GNAO1: variants seen among roughly 807,000 people sequenced by gnomAD.
GNAO1 encodes the protein G protein subunit alpha o1.
For missense variants in GNAO1, 166 were observed against 478.7 expected (o/e 0.35, Z 6.10); for synonymous variants, 164 against 180.7 (o/e 0.91, Z 0.74).
chr16:56,230,088 C>T (rs2036574273), intron 2 of GNAO1, among the ~76,000 whole-genome samples: 1 of 151,872 alleles, frequency 6.6e-6, no homozygotes, highest in Non-Finnish European at 1.5e-5. Context: ...AAAAATGATG[C>T]TTTTGATCAT....
At chr16:56,305,274 A>G (rs1323045883) in intron 3 of GNAO1, among the ~76,000 whole-genome samples, 1 of 152,236 alleles carries the variant, frequency 6.6e-6, no homozygotes, top group Non-Finnish European at 1.5e-5. Context: ...CCCTGCCCTC[A>G]CAGAGCTTAC....
At chr16:56,288,265 G>A (rs181187279) in intron 3 of GNAO1, among the ~76,000 whole-genome samples, 2 of 152,344 alleles carry the variant, frequency 1.3e-5, no homozygotes, top group Admixed American at 1.3e-4. Flanking sequence ...CTCAGCTGGC[G>A]AGCAGGTGGA....
At chr16:56,268,013 C>T (rs1203429231) in intron 2 of GNAO1, among the ~76,000 whole-genome samples, 4 of 152,058 alleles carry the variant, frequency 2.6e-5, no homozygotes, top group Non-Finnish European at 5.9e-5. Context: ...TCACCCATCA[C>T]CTCCCCTCTC....
intron 2 of GNAO1, among the ~76,000 whole-genome samples, chr16:56,261,220 GC>G (rs1567459184): frequency 6.6e-6 from 1 of 152,192 alleles, no homozygotes; most frequent in African/African-American, 2.4e-5. Flanking sequence ...TCCCTGAGGA[GC>G]CCCCATTTGG....
At chr16:56,211,678 C>G (rs536304034) in intron 2 of GNAO1, among the ~76,000 whole-genome samples, 2 of 152,162 alleles carry the variant, frequency 1.3e-5, no homozygotes, top group African/African-American at 2.4e-5. Context: ...GTTTCAGTCG[C>G]GACTTGAAAA....
intron 3 of GNAO1, among the ~76,000 whole-genome samples, chr16:56,327,619 C>G (rs2037648651): frequency 6.6e-6 from 1 of 152,182 alleles, no homozygotes; most frequent in African/African-American, 2.4e-5. Context: ...CACCACACTC[C>G]TGGTTGTGAT....
intron 2 of GNAO1, chr16:56,270,923 G>GCTGCTGCAATGTGAGATGCCA (rs2037010443): frequency 1.3e-5 from 2 of 152,192 alleles, no homozygotes; most frequent in African/African-American, 4.8e-5. Context: ...CCCACCTGGG[G>GCTGCTGCAATGTGAGATGCCA]CTGCTGCAAT....
At chr16:56,349,539 G>T (rs1207297316) in intron 6 of GNAO1, among the ~76,000 whole-genome samples, 2 of 152,238 alleles carry the variant, frequency 1.3e-5, no homozygotes, top group Non-Finnish European at 1.5e-5. Context: ...AGCGAGACCT[G>T]CTCCTCCCCG....
chr16:56,335,855 T>C (rs2037735428), intron 5 of GNAO1, among the ~76,000 whole-genome samples: 1 of 152,144 alleles, frequency 6.6e-6, no homozygotes. Context: ...GGAGGTGGGA[T>C]CCAGGGGAGG....
At chr16:56,314,533 T>A (rs1248794073) in intron 3 of GNAO1, among the ~76,000 whole-genome samples, 1 of 152,244 alleles carries the variant, frequency 6.6e-6, no homozygotes. Flanking sequence ...TGGAGTTTTT[T>A]ATAAGTCGTA....
intron 6 of GNAO1, chr16:56,344,341 A>C (rs2037841273): frequency 6.6e-6 from 7 of 1,065,208 alleles, no homozygotes; most frequent in Non-Finnish European, 8.0e-6. Context: ...ATGGCCCTGC[A>C]GCAGGGTGCT....
intron 3 of GNAO1, among the ~76,000 whole-genome samples, chr16:56,278,812 G>T (rs2037088217): frequency 6.6e-6 from 1 of 152,158 alleles, no homozygotes; most frequent in African/African-American, 2.4e-5. Context: ...CCTGAGGGAG[G>T]AATGAGCCTG....
intron 3 of GNAO1, among the ~76,000 whole-genome samples, chr16:56,279,168 C>T (rs1257649246): frequency 3.3e-5 from 5 of 152,128 alleles, no homozygotes; most frequent in African/African-American, 4.8e-5. Context: ...CACAGAAAAG[C>T]GCCTAAGAGC....
intron 6 of GNAO1, among the ~76,000 whole-genome samples, chr16:56,350,658 G>A (rs1017392400): frequency 2.6e-5 from 4 of 152,114 alleles, no homozygotes; most frequent in Non-Finnish European, 5.9e-5. Flanking sequence ...AGGAGGTGTG[G>A]CCAGTCCCCC....
chr16:56,302,383 A>G (rs1294972959), intron 3 of GNAO1: 1 of 152,156 alleles, frequency 6.6e-6, no homozygotes, highest in Admixed American at 6.6e-5. Context: ...CAGTTTCCCA[A>G]CTTGTATGAT....
intron 4 of GNAO1, among the ~76,000 whole-genome samples, chr16:56,333,432 A>G (rs2037709980): frequency 6.6e-6 from 1 of 152,034 alleles, no homozygotes; most frequent in Admixed American, 6.5e-5. Flanking sequence ...GGATGGTCTC[A>G]AAATCCTGAC....
intron 3 of GNAO1, among the ~76,000 whole-genome samples, chr16:56,318,625 A>G (rs759954772): frequency 3.9e-5 from 6 of 152,180 alleles, no homozygotes; most frequent in Non-Finnish European, 7.4e-5. Context: ...CTCACACTTC[A>G]CTTGGCCTAA....
intron 2 of GNAO1, among the ~76,000 whole-genome samples, chr16:56,205,810 G>T (rs895846702): frequency 6.6e-6 from 1 of 152,154 alleles, no homozygotes; most frequent in Non-Finnish European, 1.5e-5. Context: ...ATAATTGAAG[G>T]CAAAGGTCAT....
chr16:56,223,498 C>T lies in GNAO1; in HGVS notation c.161+30882C>T, dbSNP rs543062017. On this transcript the variant is annotated intron_variant, in intron 2 of 8. Transcript: ENST00000262493. Reference sequence around the variant, plus strand: ...GGATAATCCAGGATAATCTCCACATCTCATAACCTTAATGGCATCTGCAAA... The same window carrying T: ...GGATAATCCAGGATAATCTCCACATTTCATAACCTTAATGGCATCTGCAAA... Among the ~76,000 whole-genome samples, 6 of 152,362 alleles carry T rather than the reference C, an allele frequency of 3.9e-5. No homozygotes were observed. The South Asian group carries it at 1.2e-3, about 32-fold the overall frequency.
Sources: gnomAD v4.1 joint callset for allele counts (sites outside exome capture counted in the v4.1 genomes callset) on GRCh38, gnomAD v4.1.1 for gene constraint, MANE v1.5 for transcripts, NCBI Gene and HGNC (gene_info 2026-07-23, HGNC 2026-07-21) for gene names.